The following RRM2B variants were observed in gnomAD, a reference collection of about 807,000 sequenced individuals.
RRM2B encodes the protein ribonucleoside-diphosphate reductase subunit M2 B.
Under a neutral mutation model 45.9 loss-of-function variants are expected in RRM2B, and 20 were observed. That is an observed-to-expected ratio of 0.44 (90% confidence interval 0.31 to 0.63). RRM2B has a LOEUF of 0.63. RRM2B is among the 30% of genes least tolerant of loss of function. The pLI, the probability that RRM2B is intolerant of heterozygous loss-of-function variation, is 0.09. For missense variants in RRM2B, 320 were observed against 414.7 expected, an observed-to-expected ratio of 0.77 and a Z score of 1.98; for synonymous variants, 124 against 132.3, an observed-to-expected ratio of 0.94 and a Z score of 0.43.
rs1287983873 is a variant in RRM2B at position 102,206,804 on chromosome 8, C to T, written c.*1329G>A. On this transcript the variant is annotated 3_prime_UTR_variant, in exon 9 of 9. Coordinates refer to ENST00000251810, the MANE Select transcript of RRM2B (RefSeq NM_015713.5). The stretch of plus-strand genomic sequence containing the variant: ...TCAAAAACCTTGGTTCCCGGCCTTT[C>T]ATCAGACTCTTCTAGAGAAACCTCC... The T allele has an allele frequency of 2.0e-5, 3 of 152,176 alleles. No individual in the cohort carries two copies. Among genetic ancestry groups the T allele is most frequent in the Non-Finnish European group, 4.4e-5 (3 of 68,026 alleles). 9.4% of individuals were successfully genotyped at this position (152,176 alleles called of 1,614,324 possible).
rs571621380 is a variant in RRM2B, at chr8:102,233,062, G to A, written c.49-758C>T. 2.0e-5 allele frequency among the ~76,000 whole-genome samples: 3 copies of A among 152,272 alleles called. No individual in the cohort carries two copies. The East Asian group carries it at 5.8e-4, about 29-fold the overall frequency. On this transcript the variant is annotated intron_variant, in intron 1 of 8. Transcript: ENST00000251810. Reference sequence around the variant, plus strand: ...ACATCAGAAGAGAATCAGAAGAGTCGCACATGTGTGAGAATGAGTATAAAC... The same window carrying A: ...ACATCAGAAGAGAATCAGAAGAGTCACACATGTGTGAGAATGAGTATAAAC...
chr8:102,225,666 C>A (rs1360259463), intron 3 of RRM2B, among the ~76,000 whole-genome samples: 1 of 152,194 alleles, frequency 6.6e-6, no homozygotes, highest in Non-Finnish European at 1.5e-5. Flanking sequence ...ATTAAGCTTA[C>A]TATCTGAGAG....
intron 1 of RRM2B, among the ~76,000 whole-genome samples, chr8:102,235,944 T>C (rs1299304366): frequency 2.0e-5 from 3 of 152,112 alleles, no homozygotes; most frequent in Non-Finnish European, 4.4e-5. Flanking sequence ...ATCCCATTAG[T>C]GGTTGCCAAG....
At chr8:102,220,344 T>C (rs1810809262) in intron 5 of RRM2B, among the ~76,000 whole-genome samples, 1 of 152,254 alleles carries the variant, frequency 6.6e-6, no homozygotes, top group African/African-American at 2.4e-5. Context: ...TGATACGTTT[T>C]TAATTGACAT....
At chr8:102,228,298 G>C (rs566235944) in intron 2 of RRM2B, among the ~76,000 whole-genome samples, 2 of 152,170 alleles carry the variant, frequency 1.3e-5, no homozygotes, top group Non-Finnish European at 2.9e-5. Context: ...TCCAGGAGAA[G>C]ATTATTTTTC....
At chr8:102,238,270 T>C (rs1450890808) in intron 1 of RRM2B, among the ~76,000 whole-genome samples, 1 of 152,194 alleles carries the variant, frequency 6.6e-6, no homozygotes, top group East Asian at 1.9e-4. Context: ...AAGATTCAGT[T>C]AGTTAAGGAG....
intron 1 of RRM2B, 29 bp from the exon 2 acceptor site, chr8:102,232,333 T>C: frequency 1.9e-6 from 3 of 1,605,552 alleles, no homozygotes; most frequent in Non-Finnish European, 2.6e-6. Flanking sequence ...AAACACGCCT[T>C]TTATATAGAC....
At chr8:102,237,045 T>C (rs1811133916) in intron 1 of RRM2B, among the ~76,000 whole-genome samples, 1 of 152,236 alleles carries the variant, frequency 6.6e-6, no homozygotes, top group African/African-American at 2.4e-5. Flanking sequence ...CTTGTAAGTA[T>C]TATTTTCACT....
intron 8 of RRM2B, among the ~76,000 whole-genome samples, chr8:102,211,901 T>C (rs1810641903): frequency 6.6e-6 from 1 of 152,200 alleles, no homozygotes; most frequent in South Asian, 2.1e-4. Context: ...TATCTGCTAA[T>C]ACAACATTAG....
chr8:102,208,397 C>G (rs1810579757), intron 8 of RRM2B, 112 bp from the exon 9 acceptor site: 6 of 798,064 alleles, frequency 7.5e-6, no homozygotes, highest in Non-Finnish European at 1.2e-5. Flanking sequence ...ATCTAGTCAG[C>G]TACAAGATCA....
At position 102,206,361 on chromosome 8, in the gene RRM2B, AG is replaced by A. The variant is rs1196140682; in HGVS notation, c.*1771del. On this transcript the variant is annotated 3_prime_UTR_variant, in exon 9 of 9. Transcript: ENST00000251810. ...ACAGTTGCTCTGTCAAGCTGTTTTG[AG>A]ATCAAATGAGATGATGTAAAAACAC... 6.6e-6 allele frequency: 1 copy of A among 152,156 alleles called. No individual in the cohort carries two copies. The highest frequency in any genetic ancestry group is 1.9e-4 in the East Asian group (1 of 5,198). The allele number at this position is 152,156 out of a possible 1,614,324, so 9.4% of individuals were successfully genotyped here.
At chr8:102,226,058 AT>A (rs754430152) in intron 2 of RRM2B, 24 bp from the exon 3 acceptor site, 47 of 1,460,356 alleles carry the variant, frequency 3.2e-5, no homozygotes, top group Non-Finnish European at 4.4e-5. Flanking sequence ...ATTTTCAAAA[AT>A]TTTAATTTGG....
chr8:102,210,902 A>G (rs1436436095), intron 8 of RRM2B, among the ~76,000 whole-genome samples: 1 of 152,210 alleles, frequency 6.6e-6, no homozygotes, highest in Non-Finnish European at 1.5e-5. Flanking sequence ...CCCAGCTCCT[A>G]CAAGTTTTGA....
intron 2 of RRM2B, among the ~76,000 whole-genome samples, chr8:102,229,769 G>A (rs576418268): frequency 6.6e-6 from 1 of 152,148 alleles, no homozygotes; most frequent in South Asian, 2.1e-4. Flanking sequence ...ATTTTTACTA[G>A]AGACAGGGTT....
chr8:102,212,755 A>C, intron 8 of RRM2B, 21 bp downstream of exon 8: 2 of 1,246,234 alleles, frequency 1.6e-6, no homozygotes, highest in Non-Finnish European at 2.4e-6. Flanking sequence ...ACTAGTAGTA[A>C]CACATTTTTA....
intron 5 of RRM2B, among the ~76,000 whole-genome samples, chr8:102,223,779 T>C (rs930457012): frequency 6.6e-6 from 1 of 152,172 alleles, no homozygotes; most frequent in Non-Finnish European, 1.5e-5. Context: ...CTCTTGTTAT[T>C]GCTATGTGAC....
chr8:102,217,591 T>C (rs28928599), intron 6 of RRM2B, among the ~76,000 whole-genome samples: 5,349 of 152,250 alleles, frequency 0.035, 163 homozygotes, highest in Admixed American at 0.085. Context: ...GTTAACTGAA[T>C]GGCTATAATA....
chr8:102,220,264 A>C (rs28928589), intron 5 of RRM2B, among the ~76,000 whole-genome samples: 5,365 of 152,220 alleles, frequency 0.035, 167 homozygotes, highest in Admixed American at 0.085. Context: ...CACTATTCTT[A>C]AGATGAGGCT....
chr8:102,231,868 C>CAAAA (rs1250881056), intron 2 of RRM2B, among the ~76,000 whole-genome samples: 2 of 61,678 alleles, frequency 3.2e-5, no homozygotes, highest in African/African-American at 1.0e-4. Flanking sequence ...GACTCTGTCT[C>CAAAA]AAAAAAAAAA....
Sources: gnomAD v4.1 joint callset for allele counts (sites outside exome capture counted in the v4.1 genomes callset) on GRCh38, gnomAD v4.1.1 for gene constraint, MANE v1.5 for transcripts, NCBI Gene and HGNC (gene_info 2026-07-23, HGNC 2026-07-21) for gene names.